The following DDX31 variants were observed in gnomAD, a reference collection of about 807,000 sequenced individuals.
DDX31 encodes the protein ATP-dependent DNA helicase DDX31.
A neutral mutation model predicts 91.3 loss-of-function variants in DDX31; 70 were observed. The observed-to-expected ratio is 0.77, with a 90% CI of 0.63 to 0.94. The LOEUF is 0.94. Among genes scored for constraint, DDX31 ranks in the 40% least tolerant of loss-of-function variants. The pLI is 0.00. For missense variants in DDX31, 902 were observed against 925.0 expected, an observed-to-expected ratio of 0.98 and a Z score of 0.32; for synonymous variants, 362 against 350.6, an observed-to-expected ratio of 1.03 and a Z score of -0.36.
At chr9:132,605,440 C>T (rs1830958958) in intron 19 of DDX31, among the ~76,000 whole-genome samples, 1 of 152,182 alleles carries the variant, frequency 6.6e-6, no homozygotes, top group South Asian at 2.1e-4. Context: ...AAAACCTGTA[C>T]AACGCAAACA....
At chr9:132,662,785 G>A in intron 1 of DDX31, 90 bp from the exon 2 acceptor site, 1 of 1,543,882 alleles carries the variant, frequency 6.5e-7, no homozygotes, top group Non-Finnish European at 8.8e-7. Flanking sequence ...CCACAGAATT[G>A]CATCTCTCCC....
chr9:132,669,410 TCTG>T (rs1397603835), intron 1 of DDX31, among the ~76,000 whole-genome samples: 1 of 151,990 alleles, frequency 6.6e-6, no homozygotes, highest in African/African-American at 2.4e-5. Context: ...ATGAAAGCCA[TCTG>T]ATGAGAATTT....
chr9:132,616,733 T>TGGGAATTC (rs139200963), intron 18 of DDX31, among the ~76,000 whole-genome samples: 27,238 of 152,030 alleles, frequency 0.18, 3,075 homozygotes, highest in East Asian at 0.42. Flanking sequence ...GGAAAACCCT[T>TGGGAATTC]GGGAATTGTT....
At position 132,593,768 on chromosome 9, in the gene DDX31, G is replaced by GA. The variant is rs397746198; in HGVS notation, c.*1097dup. 1 of 151,898 alleles carries GA rather than the reference G, an allele frequency of 6.6e-6. No individual in the cohort carries two copies. Among genetic ancestry groups the GA allele is most frequent in the Non-Finnish European group, 1.5e-5 (1 of 68,040 alleles). The allele number at this position is 151,898 out of a possible 1,614,324, so 9.4% of individuals were successfully genotyped here. Reference sequence around the variant, plus strand: ...CTCAGACCTTCCAAGGATCTGGGGGGATCTACTGAAGTGGTGCCTCAACAC... The same window carrying GA: ...CTCAGACCTTCCAAGGATCTGGGGGGAATCTACTGAAGTGGTGCCTCAACAC... On this transcript the variant is annotated 3_prime_UTR_variant, in exon 20 of 20. Coordinates refer to ENST00000372159, the MANE Select transcript of DDX31 (RefSeq NM_022779.9).
chr9:132,669,557 C>T, intron 1 of DDX31: 2 of 1,447,474 alleles, frequency 1.4e-6, no homozygotes, highest in Non-Finnish European at 1.8e-6. Flanking sequence ...TGCGCCGGAA[C>T]TTCAGGTCCT....
intron 13 of DDX31, 94 bp downstream of exon 13, chr9:132,645,801 C>T (rs1833794099): frequency 1.4e-6 from 2 of 1,394,766 alleles, no homozygotes; most frequent in Non-Finnish European, 1.9e-6. Flanking sequence ...GTAGCCATTG[C>T]TGAGCCTAAA....
chr9:132,635,055 G>C (rs1034021036), intron 14 of DDX31, among the ~76,000 whole-genome samples: 2 of 152,260 alleles, frequency 1.3e-5, no homozygotes, highest in African/African-American at 4.8e-5. Context: ...CGGACAACTG[G>C]ATTTGTCTAA....
intron 18 of DDX31, among the ~76,000 whole-genome samples, chr9:132,617,500 T>C (rs306566): frequency 0.073 from 11,077 of 152,140 alleles, 521 homozygotes; most frequent in East Asian, 0.12. Flanking sequence ...TGATAAATAT[T>C]TGTCAAATGA....
At chr9:132,652,700 T>C (rs1834279323) in intron 6 of DDX31, among the ~76,000 whole-genome samples, 1 of 151,480 alleles carries the variant, frequency 6.6e-6, no homozygotes, top group Non-Finnish European at 1.5e-5. Flanking sequence ...CCACATGTTG[T>C]AGGAGGAAGG....
rs1830345343 is a variant in DDX31 at position 132,594,672 on chromosome 9, G to GC, written c.*193dup. On this transcript the variant is annotated 3_prime_UTR_variant, in exon 20 of 20. Coordinates refer to ENST00000372159, the MANE Select transcript of DDX31 (RefSeq NM_022779.9). ...TCGGGAGCTGGCTAGTCTCTACAGT[G>GC]CCCCACACCACTGATTTCTATCAGG... 6 of 874,054 alleles carry GC rather than the reference G, an allele frequency of 6.9e-6. No homozygotes were observed. Among genetic ancestry groups the GC allele is most frequent in the Admixed American group, 2.5e-5 (1 of 39,726 alleles). 54.1% of individuals were successfully genotyped at this position (874,054 alleles called of 1,614,324 possible). A position where few individuals can be genotyped will look rare whatever the true frequency, so the allele number is the denominator to read the frequency against.
At position 132,658,503 on chromosome 9, in the gene DDX31, G is replaced by A. The variant is rs117201802; in HGVS notation, c.588+168C>T. On this transcript the variant is annotated intron_variant, in intron 6 of 19. Coordinates refer to ENST00000372159, the MANE Select transcript of DDX31 (RefSeq NM_022779.9). The stretch of plus-strand genomic sequence containing the variant: ...TGTGAAGTGTATTTATTCTACTCTA[G>A]GCACAGTCTCTAGATACAACACATT... 438 of 683,444 alleles carry A rather than the reference G, an allele frequency of 6.4e-4. 2 individuals carry two copies. In the East Asian group the frequency reaches 6.5e-3, roughly 10 times the overall value. The allele number at this position is 683,444 out of a possible 1,614,324, so 42.3% of individuals were successfully genotyped here. A position where few individuals can be genotyped will look rare whatever the true frequency, so the allele number is the denominator to read the frequency against.
chr9:132,620,043 T>C (rs41316988), intron 17 of DDX31, among the ~76,000 whole-genome samples: 4,265 of 152,200 alleles, frequency 0.028, 84 homozygotes, highest in Middle Eastern at 0.048. Context: ...GGCAGAATGG[T>C]TGTCAAAGCA....
At position 132,661,251 on chromosome 9, in the gene DDX31, T is replaced by C; in HGVS notation, c.409A>G (p.Ile137Val). 2 of 1,601,148 alleles carry C rather than the reference T, an allele frequency of 1.2e-6. No individual in the cohort carries two copies. The highest frequency in any genetic ancestry group is 1.7e-6 in the Non-Finnish European group (2 of 1,171,670). The change falls in exon 4 of 20, where the codon ATT becomes GTT. Residue 137 changes from isoleucine (I) to valine (V), a missense_variant and splice_region_variant. Physicochemically the swap from Ile to Val is conservative, Grantham distance 29. Coordinates refer to ENST00000372159, the MANE Select transcript of DDX31 (RefSeq NM_022779.9). Reference sequence around the variant, plus strand: ...TTTAAGACCGTATTTATTGTGGAAATCTAAAAGAGGAGATGAAAAAGCTTT... The same window carrying C: ...TTTAAGACCGTATTTATTGTGGAAACCTAAAAGAGGAGATGAAAAAGCTTT... ...FHELGLHPHL[I>V]STINTVLKMS...
intron 1 of DDX31, among the ~76,000 whole-genome samples, chr9:132,668,035 C>T (rs1163469232): frequency 1.3e-5 from 2 of 152,138 alleles, no homozygotes; most frequent in African/African-American, 2.4e-5. Context: ...GGGCAGCATC[C>T]GAATCCCAAG....
chr9:132,643,604 T>C (rs1430231172), intron 13 of DDX31, among the ~76,000 whole-genome samples: 1 of 152,080 alleles, frequency 6.6e-6, no homozygotes, highest in Non-Finnish European at 1.5e-5. Flanking sequence ...ACAACAACCC[T>C]ATGTGTAAGT....
chr9:132,640,049 G>A (rs1402657179), intron 14 of DDX31, among the ~76,000 whole-genome samples: 3 of 152,288 alleles, frequency 2.0e-5, no homozygotes, highest in Admixed American at 6.5e-5. Context: ...AAAACCAAGC[G>A]CCTACTGCAT....
chr9:132,612,610 A>G (rs967154334), intron 18 of DDX31, among the ~76,000 whole-genome samples: 1 of 152,182 alleles, frequency 6.6e-6, no homozygotes, highest in Non-Finnish European at 1.5e-5. Flanking sequence ...AAAAGAGAGA[A>G]TAGGTGAAGA....
At chr9:132,641,888 C>G (rs1833524638) in intron 14 of DDX31, 116 bp downstream of exon 14, 3 of 1,029,492 alleles carry the variant, frequency 2.9e-6, no homozygotes, top group South Asian at 2.9e-5. Context: ...CAAGGGGCCC[C>G]TAGTGTTCCT....
chr9:132,612,603 A>G (rs990560807), intron 18 of DDX31, among the ~76,000 whole-genome samples: 4 of 152,218 alleles, frequency 2.6e-5, no homozygotes, highest in Non-Finnish European at 5.9e-5. Context: ...ATGAGTGAAA[A>G]GAGAGAATAG....
Sources: allele counts gnomAD v4.1 joint callset (sites outside exome capture counted in the v4.1 genomes callset), GRCh38; gene constraint gnomAD v4.1.1; transcripts MANE v1.5; gene names NCBI Gene and HGNC (gene_info 2026-07-23, HGNC 2026-07-21).